AGBL4: variants seen among roughly 807,000 people sequenced by gnomAD.
AGBL4 encodes the protein cytosolic carboxypeptidase 6.
Under a neutral mutation model 66.4 loss-of-function variants are expected in AGBL4, and 58 were observed. That is an observed-to-expected ratio of 0.87 (90% confidence interval 0.71 to 1.09). The LOEUF (loss-of-function observed/expected upper bound fraction) is 1.09. Ranked by LOEUF, AGBL4 falls within the 50% of genes least tolerant of loss-of-function variation. The pLI, the probability that AGBL4 is intolerant of heterozygous loss-of-function variation, is 0.00. For synonymous variants in AGBL4, 234 were observed against 222.9 expected (o/e 1.05, Z -0.44); for missense variants, 579 against 631.0 (o/e 0.92, Z 0.88).
chr1:49,637,395 G>C (rs1462239762), intron 3 of AGBL4, among the ~76,000 whole-genome samples: 1 of 151,928 alleles, frequency 6.6e-6, no homozygotes, highest in African/African-American at 2.4e-5. Flanking sequence ...CCACCTCCCA[G>C]GTTCAAGCAA....
intron 6 of AGBL4, among the ~76,000 whole-genome samples, chr1:48,819,607 T>C (rs966574678): frequency 6.6e-6 from 1 of 152,136 alleles, no homozygotes; most frequent in Non-Finnish European, 1.5e-5. Context: ...CTGGTGAAAG[T>C]TGCAAAGTGT....
intron 3 of AGBL4, among the ~76,000 whole-genome samples, chr1:49,247,342 G>C (rs900664695): frequency 1.3e-5 from 2 of 152,048 alleles, no homozygotes; most frequent in African/African-American, 4.8e-5. Context: ...GGGATAACTT[G>C]TGTTTTCCTT....
intron 5 of AGBL4, among the ~76,000 whole-genome samples, chr1:48,999,355 T>G (rs1452350397): frequency 6.6e-6 from 1 of 152,198 alleles, no homozygotes; most frequent in East Asian, 1.9e-4. Flanking sequence ...TTTCTCCCTT[T>G]GATTAAAGTC....
chr1:48,787,360 T>C (rs537947088), intron 6 of AGBL4, among the ~76,000 whole-genome samples: 2 of 152,300 alleles, frequency 1.3e-5, no homozygotes, highest in East Asian at 3.9e-4. Context: ...CATCCAAATG[T>C]CCCAACAAGC....
At chr1:49,572,530 A>T (rs910670232) in intron 3 of AGBL4, among the ~76,000 whole-genome samples, 1 of 151,810 alleles carries the variant, frequency 6.6e-6, no homozygotes, top group Non-Finnish European at 1.5e-5. Context: ...TGATTTTAAA[A>T]TTTTTTTCTG....
chr1:49,496,009 T>C (rs963454286), intron 3 of AGBL4, among the ~76,000 whole-genome samples: 1 of 152,062 alleles, frequency 6.6e-6, no homozygotes, highest in African/African-American at 2.4e-5. Context: ...GAAGAATTAG[T>C]GTGGATAAAA....
At chr1:49,182,382 G>A (rs1164043272) in intron 4 of AGBL4, among the ~76,000 whole-genome samples, 2 of 152,196 alleles carry the variant, frequency 1.3e-5, no homozygotes, top group Non-Finnish European at 2.9e-5. Context: ...TGCTTGATAT[G>A]CTGACCTACC....
At chr1:49,427,627 T>C (rs557417047) in intron 3 of AGBL4, among the ~76,000 whole-genome samples, 3 of 152,244 alleles carry the variant, frequency 2.0e-5, no homozygotes, top group Non-Finnish European at 2.9e-5. Flanking sequence ...GTGGTCTCAG[T>C]TGACTTCAGG....
chr1:49,316,312 C>T (rs2148469062), intron 3 of AGBL4, among the ~76,000 whole-genome samples: 1 of 151,910 alleles, frequency 6.6e-6, no homozygotes, highest in East Asian at 1.9e-4. Context: ...TTAACAAATG[C>T]CTCACACTAA....
chr1:49,382,570 A>G (rs186292945), intron 3 of AGBL4, among the ~76,000 whole-genome samples: 2 of 152,276 alleles, frequency 1.3e-5, no homozygotes, highest in East Asian at 3.9e-4. Flanking sequence ...CAATAGTGAA[A>G]GCCTGAAAGC....
At chr1:49,833,042 G>A (rs1288295849) in intron 2 of AGBL4, among the ~76,000 whole-genome samples, 1 of 151,844 alleles carries the variant, frequency 6.6e-6, no homozygotes, top group Non-Finnish European at 1.5e-5. Context: ...CATTGCTTTT[G>A]GTGTTTTAGA....
At chr1:49,265,727 C>CAT (rs1643904001) in intron 3 of AGBL4, among the ~76,000 whole-genome samples, 1 of 152,022 alleles carries the variant, frequency 6.6e-6, no homozygotes, top group Non-Finnish European at 1.5e-5. Context: ...ATATAATGTA[C>CAT]ATATATACGT....
chr1:48,950,400 C>A (rs1321659083), intron 5 of AGBL4, among the ~76,000 whole-genome samples: 4 of 152,166 alleles, frequency 2.6e-5, no homozygotes, highest in Non-Finnish European at 5.9e-5. Flanking sequence ...ACCTGGCCGA[C>A]CTCATTTTAA....
intron 3 of AGBL4, among the ~76,000 whole-genome samples, chr1:49,346,064 A>G (rs1645627960): frequency 6.6e-6 from 1 of 152,200 alleles, no homozygotes; most frequent in Non-Finnish European, 1.5e-5. Context: ...TATATGGCAA[A>G]TAATTATTCT....
chr1:48,596,138 T>C (rs1217361124), intron 9 of AGBL4, among the ~76,000 whole-genome samples: 1 of 152,204 alleles, frequency 6.6e-6, no homozygotes, highest in African/African-American at 2.4e-5. Flanking sequence ...CCTCTGGCTA[T>C]AAACTCTCCA....
chr1:49,510,723 T>A (rs1295737028), intron 3 of AGBL4, among the ~76,000 whole-genome samples: 1 of 151,730 alleles, frequency 6.6e-6, no homozygotes, highest in African/African-American at 2.4e-5. Flanking sequence ...TTAGGTCTAA[T>A]GTTTAAGTCT....
intron 4 of AGBL4, among the ~76,000 whole-genome samples, chr1:49,138,624 T>A (rs913399233): frequency 2.6e-5 from 4 of 152,182 alleles, no homozygotes; most frequent in African/African-American, 9.7e-5. Flanking sequence ...TGTGGCTCTG[T>A]TGGCCAAACT....
At chr1:49,853,720 T>C (rs567779497) in intron 1 of AGBL4, among the ~76,000 whole-genome samples, 96 of 152,116 alleles carry the variant, frequency 6.3e-4, no homozygotes, top group African/African-American at 1.8e-3. Context: ...TGACCTAAGA[T>C]AAAAATACAT....
At chr1:49,946,709 G>A (rs758270054) in intron 1 of AGBL4, among the ~76,000 whole-genome samples, 78 of 151,668 alleles carry the variant, frequency 5.1e-4, no homozygotes, top group Non-Finnish European at 8.4e-4. Context: ...CAAGATCAGA[G>A]CAGAACTAAA....
Sources: gnomAD v4.1 joint callset for allele counts (sites outside exome capture counted in the v4.1 genomes callset) on GRCh38, gnomAD v4.1.1 for gene constraint, MANE v1.5 for transcripts, NCBI Gene and HGNC (gene_info 2026-07-23, HGNC 2026-07-21) for gene names.